The following KCNQ5 variants were observed in gnomAD, a reference collection of about 807,000 sequenced individuals.
The protein encoded by KCNQ5 is potassium voltage-gated channel subfamily Q member 5.
In KCNQ5, 30 loss-of-function variants were observed where a neutral mutation model predicts 98.2. That is an observed-to-expected ratio of 0.31 (90% CI 0.23 to 0.41). The LOEUF (loss-of-function observed/expected upper bound fraction) is 0.41. Ranked by LOEUF, KCNQ5 falls within the 10% of genes least tolerant of loss-of-function variation. The pLI is 1.00. For synonymous variants in KCNQ5, 458 were observed against 449.4 expected (o/e 1.02, Z -0.24); for missense variants, 835 against 1,182.5 (o/e 0.71, Z 4.31).
intron 11 of KCNQ5, among the ~76,000 whole-genome samples, chr6:73,181,778 G>T (rs915868236): frequency 1.3e-5 from 2 of 152,296 alleles, no homozygotes; most frequent in Middle Eastern, 6.8e-3. Flanking sequence ...AGCCAAACTG[G>T]TTCACGTCCT....
chr6:72,961,539 G>T (rs1397237209), intron 1 of KCNQ5, among the ~76,000 whole-genome samples: 1 of 150,594 alleles, frequency 6.6e-6, no homozygotes, highest in African/African-American at 2.4e-5. Flanking sequence ...GGAGAATGGC[G>T]TGAACCCGGG....
chr6:73,062,686 A>G (rs964125116), intron 3 of KCNQ5, among the ~76,000 whole-genome samples: 18 of 152,148 alleles, frequency 1.2e-4, no homozygotes, highest in Non-Finnish European at 1.9e-4. Context: ...TTTTAATCTA[A>G]TTGCTTCAAT....
chr6:73,108,564 C>T (rs951842009), intron 6 of KCNQ5, among the ~76,000 whole-genome samples: 1 of 152,172 alleles, frequency 6.6e-6, no homozygotes, highest in Non-Finnish European at 1.5e-5. Context: ...TGGTGATTCA[C>T]GCCTGTAATC....
intron 1 of KCNQ5, among the ~76,000 whole-genome samples, chr6:72,974,382 T>C (rs1393333955): frequency 2.4e-5 from 3 of 123,084 alleles, no homozygotes; most frequent in South Asian, 2.2e-4. Flanking sequence ...CAATAACTAG[T>C]GGCAAAAAAA....
At chr6:72,815,323 T>A (rs1044329488) in intron 1 of KCNQ5, among the ~76,000 whole-genome samples, 4 of 152,172 alleles carry the variant, frequency 2.6e-5, no homozygotes, top group African/African-American at 4.8e-5. Flanking sequence ...CAGATTTTTA[T>A]AAGTATCGTA....
chr6:73,081,923 G>A (rs1294166825), intron 5 of KCNQ5, among the ~76,000 whole-genome samples: 1 of 152,040 alleles, frequency 6.6e-6, no homozygotes, highest in Non-Finnish European at 1.5e-5. Context: ...AACACACGAA[G>A]GTGCCCCCAC....
chr6:72,901,420 C>T (rs1779501844), intron 1 of KCNQ5, among the ~76,000 whole-genome samples: 1 of 152,044 alleles, frequency 6.6e-6, no homozygotes, highest in South Asian at 2.1e-4. Context: ...GAAATCCTTG[C>T]CGAAGCCAAT....
rs34839143 is a variant in KCNQ5, at chr6:72,866,252, C to CTT, written c.399-137636_399-137635dup. 5.6e-3 allele frequency among the ~76,000 whole-genome samples: 638 copies of CTT among 113,754 alleles called. 14 individuals carry two copies. The highest frequency in any genetic ancestry group is 0.02 in the African/African-American group (549 of 27,996). The allele number at this position is 113,754 out of a possible 152,430, so 74.6% of individuals were successfully genotyped here. A position where few individuals can be genotyped will look rare whatever the true frequency, so the allele number is the denominator to read the frequency against. ...TATTCTAGTTTCCTCCGCCATCTCC[C>CTT]TTTTTTTTTTTTTTTTTTTTTGAAA... is the stretch of plus-strand genomic sequence containing the variant. On this transcript the variant is annotated intron_variant, in intron 1 of 13. Transcript: ENST00000370398.
rs142018531 is a variant in KCNQ5 at position 73,181,354 on chromosome 6, C to A, written c.1578-9219C>A. Reference sequence around the variant, plus strand: ...GCTGTATTAATCCCAGTGATGCAATCTACCCTCATGAAGAAAAGAAGCAGA... The same window carrying A: ...GCTGTATTAATCCCAGTGATGCAATATACCCTCATGAAGAAAAGAAGCAGA... On this transcript the variant is annotated intron_variant, in intron 11 of 13. Coordinates refer to ENST00000370398, the MANE Select transcript of KCNQ5 (RefSeq NM_019842.4). Among the ~76,000 whole-genome samples, 49 of 152,308 alleles carry A rather than the reference C, an allele frequency of 3.2e-4. 1 individual carries two copies. Among genetic ancestry groups the A allele is most frequent in the African/African-American group, 1.2e-3 (49 of 41,550 alleles).
chr6:72,673,271 T>C (rs78337952), intron 1 of KCNQ5, among the ~76,000 whole-genome samples: 9 of 152,254 alleles, frequency 5.9e-5, no homozygotes, highest in Non-Finnish European at 1.0e-4. Context: ...AACTTCTTAT[T>C]TTCCTGGTCA....
intron 1 of KCNQ5, among the ~76,000 whole-genome samples, chr6:72,957,658 G>A (rs1043726840): frequency 3.3e-5 from 5 of 152,070 alleles, no homozygotes; most frequent in African/African-American, 1.2e-4. Context: ...TACACTGATT[G>A]TTTTCATCGA....
chr6:72,689,837 C>A (rs1254033119), intron 1 of KCNQ5, among the ~76,000 whole-genome samples: 2 of 148,906 alleles, frequency 1.3e-5, no homozygotes, highest in African/African-American at 4.9e-5. Context: ...AAAACAAAAA[C>A]CCATAGTAAG....
At chr6:72,955,838 C>T (rs974742005) in intron 1 of KCNQ5, among the ~76,000 whole-genome samples, 17 of 151,968 alleles carry the variant, frequency 1.1e-4, no homozygotes, top group Admixed American at 1.3e-4. Flanking sequence ...GAGGAATGCT[C>T]GAGCCCGGGA....
intron 1 of KCNQ5, among the ~76,000 whole-genome samples, chr6:72,802,770 T>A (rs1774729536): frequency 6.6e-6 from 1 of 152,118 alleles, no homozygotes; most frequent in African/African-American, 2.4e-5. Context: ...GAGGCCTGAA[T>A]TCAGAGCCCC....
At chr6:73,015,578 A>C (rs1770294767) in intron 2 of KCNQ5, among the ~76,000 whole-genome samples, 1 of 152,070 alleles carries the variant, frequency 6.6e-6, no homozygotes, top group Non-Finnish European at 1.5e-5. Flanking sequence ...TATGCTACCA[A>C]ACTCTGTACA....
At chr6:73,093,208 A>C (rs1362418656) in intron 5 of KCNQ5, among the ~76,000 whole-genome samples, 1 of 152,156 alleles carries the variant, frequency 6.6e-6, no homozygotes, top group Non-Finnish European at 1.5e-5. Context: ...TGTTCATAGT[A>C]GCCTTGAATG....
chr6:72,975,106 C>A (rs1768098902), intron 1 of KCNQ5, among the ~76,000 whole-genome samples: 1 of 152,078 alleles, frequency 6.6e-6, no homozygotes, highest in South Asian at 2.1e-4. Flanking sequence ...GCACCTAAAA[C>A]AGTAATAACA....
At chr6:72,739,499 C>T (rs1582201118) in intron 1 of KCNQ5, among the ~76,000 whole-genome samples, 1 of 152,326 alleles carries the variant, frequency 6.6e-6, no homozygotes, top group African/African-American at 2.4e-5. Flanking sequence ...TGCTTCATCT[C>T]TATTGCTTCT....
rs914101097 is a variant in KCNQ5 at position 73,065,868 on chromosome 6, C to T, written c.617-11454C>T. Among the ~76,000 whole-genome samples, 7 of 152,216 alleles carry T rather than the reference C, an allele frequency of 4.6e-5. No individual in the cohort carries two copies. The South Asian group carries it at 8.3e-4, about 18-fold the overall frequency. ...GACAACCGAAAATACTAAAAACGGC[C>T]GGGCTCAGTGGCTCACGCCTATAAT... On this transcript the variant is annotated intron_variant, in intron 3 of 13. Coordinates refer to ENST00000370398, the MANE Select transcript of KCNQ5 (RefSeq NM_019842.4).
Sources: gnomAD v4.1 joint callset for allele counts (sites outside exome capture counted in the v4.1 genomes callset) on GRCh38, gnomAD v4.1.1 for gene constraint, MANE v1.5 for transcripts, NCBI Gene and HGNC (gene_info 2026-07-23, HGNC 2026-07-21) for gene names.